MBD5: variants seen among roughly 807,000 people sequenced by gnomAD.
MBD5 encodes methyl-CpG binding domain protein 5, also known as methyl-CpG-binding domain protein 5.
A neutral mutation model predicts 117.3 loss-of-function variants in MBD5; 13 were observed. That is an observed-to-expected ratio of 0.11 (90% CI 0.07 to 0.18). The LOEUF (loss-of-function observed/expected upper bound fraction) is 0.18. Among genes scored for constraint, MBD5 ranks in the 10% least tolerant of loss-of-function variants. The pLI, the probability that MBD5 is intolerant of heterozygous loss-of-function variation, is 1.00. For synonymous variants in MBD5, 727 were observed against 766.4 expected (o/e 0.95, Z 0.85); for missense variants, 1,879 against 2,093.8 (o/e 0.90, Z 2.00).
intron 3 of MBD5, chr2:148,264,640 C>A (rs1002244670): frequency 6.6e-6 from 1 of 152,152 alleles, no homozygotes. Flanking sequence ...ATAGAGCCTG[C>A]AGAATCTATA....
At chr2:148,269,903 AC>A (rs1464883240) in intron 3 of MBD5, among the ~76,000 whole-genome samples, 3 of 151,810 alleles carry the variant, frequency 2.0e-5, no homozygotes, top group Admixed American at 6.6e-5. Context: ...CTAATATTCT[AC>A]TTACTGAAGA....
intron 4 of MBD5, among the ~76,000 whole-genome samples, chr2:148,380,669 C>T (rs1704111239): frequency 6.6e-6 from 1 of 152,160 alleles, no homozygotes; most frequent in Non-Finnish European, 1.5e-5. Context: ...GGGCAGACTG[C>T]CTCCTCAAGT....
chr2:148,294,216 T>G (rs58674952), intron 3 of MBD5, among the ~76,000 whole-genome samples: 3,260 of 19,216 alleles, frequency 0.17, 142 homozygotes, highest in South Asian at 0.26. Flanking sequence ...TTTTTTTTTT[T>G]TTTTTTTTTT....
intron 3 of MBD5, among the ~76,000 whole-genome samples, chr2:148,307,393 T>C (rs1701918968): frequency 6.1e-5 from 1 of 16,376 alleles, no homozygotes; most frequent in African/African-American, 6.9e-5. Flanking sequence ...CAAAATTTCT[T>C]TTTCACAAAC....
At chr2:148,180,826 C>G (rs184504708) in intron 2 of MBD5, among the ~76,000 whole-genome samples, 20 of 152,264 alleles carry the variant, frequency 1.3e-4, no homozygotes, top group Non-Finnish European at 2.2e-4. Context: ...TTTCCAGTCT[C>G]ATTCTCCTGC....
In MBD5 at chr2:148,490,316, C is replaced by G; in HGVS notation, c.4684C>G (p.Leu1562Val). The G allele has an allele frequency of 6.2e-7, 1 of 1,614,176 alleles. No individual in the cohort carries two copies. Among genetic ancestry groups the G allele is most frequent in the Non-Finnish European group, 8.5e-7 (1 of 1,180,040 alleles). The change falls in exon 11 of 14, where the codon CTG (leucine) becomes GTG (valine). Residue 1562 changes from leucine (L) to valine (V), a missense_variant. By Grantham distance (32) the Leu-to-Val change is conservative. Transcript: ENST00000642680. ...TTCCTCAAATAGTTTGGAAAATTCT[C>G]TGGTCAAAGACTACATCCATTACAA... ...PSSSNSLENS[L>V]VKDYIHYNGD... is the part of the protein sequence containing the mutation.
chr2:148,311,033 T>C (rs1339032802), intron 3 of MBD5, among the ~76,000 whole-genome samples: 2 of 152,230 alleles, frequency 1.3e-5, no homozygotes, highest in Non-Finnish European at 2.9e-5. Context: ...ATTTCTGTTC[T>C]TTTGCATTTG....
intron 3 of MBD5, among the ~76,000 whole-genome samples, chr2:148,312,260 G>A (rs756188771): frequency 3.3e-5 from 5 of 152,116 alleles, no homozygotes; most frequent in Admixed American, 6.6e-5. Flanking sequence ...ACTTGGTTGC[G>A]TTCTTCCCAT....
chr2:148,463,011 A>G (rs1051916972), intron 6 of MBD5, among the ~76,000 whole-genome samples: 1 of 152,164 alleles, frequency 6.6e-6, no homozygotes, highest in Non-Finnish European at 1.5e-5. Flanking sequence ...AACTGCTCAA[A>G]TCTGCAATGT....
At chr2:148,174,662 A>C (rs1477328989) in intron 1 of MBD5, among the ~76,000 whole-genome samples, 1 of 152,118 alleles carries the variant, frequency 6.6e-6, no homozygotes, top group African/African-American at 2.4e-5. Context: ...ATTTCTCAAA[A>C]AAAGGCATCC....
At chr2:148,218,437 G>A (rs796189642) in intron 2 of MBD5, among the ~76,000 whole-genome samples, 25 of 152,238 alleles carry the variant, frequency 1.6e-4, no homozygotes, top group African/African-American at 4.3e-4. Context: ...TTACATAGCC[G>A]AGCCCAAAGT....
chr2:148,094,226 T>G (rs1188917619), intron 1 of MBD5, among the ~76,000 whole-genome samples: 1 of 152,210 alleles, frequency 6.6e-6, no homozygotes, highest in African/African-American at 2.4e-5. Flanking sequence ...TCCAACAGAT[T>G]AATTGTAGTG....
intron 1 of MBD5, among the ~76,000 whole-genome samples, chr2:148,118,483 C>T (rs12691776): frequency 0.32 from 48,655 of 151,246 alleles, 8,605 homozygotes; most frequent in East Asian, 0.46. Context: ...GTGGTGTACA[C>T]CTCTACTCCC....
At chr2:148,060,645 G>A in intron 1 of MBD5, among the ~76,000 whole-genome samples, 1 of 152,078 alleles carries the variant, frequency 6.6e-6, no homozygotes, top group East Asian at 1.9e-4. Flanking sequence ...TTAAACAGAA[G>A]ACTTCACAGG....
At chr2:148,165,264 T>C (rs1005737347) in intron 1 of MBD5, among the ~76,000 whole-genome samples, 1 of 152,162 alleles carries the variant, frequency 6.6e-6, no homozygotes, top group African/African-American at 2.4e-5. Context: ...ACAGTGAATA[T>C]ATTTTTCTTC....
intron 12 of MBD5, among the ~76,000 whole-genome samples, chr2:148,503,236 A>G (rs746482135): frequency 6.6e-6 from 1 of 152,234 alleles, no homozygotes; most frequent in Non-Finnish European, 1.5e-5. Context: ...TTCAGTTGCC[A>G]TACTAATTTC....
At chr2:148,233,437 A>G (rs1700032980) in intron 3 of MBD5, 42 bp downstream of exon 3, 1 of 152,228 alleles carries the variant, frequency 6.6e-6, no homozygotes, top group African/African-American at 2.4e-5. Flanking sequence ...TCTGTTATTA[A>G]TCATGTAGAC....
At chr2:148,482,446 T>C (rs1400618992) in intron 8 of MBD5, among the ~76,000 whole-genome samples, 1 of 151,990 alleles carries the variant, frequency 6.6e-6, no homozygotes, top group Non-Finnish European at 1.5e-5. Context: ...CAAAATAACA[T>C]TATAGCATGA....
chr2:148,305,712 G>C (rs865917899), intron 3 of MBD5, among the ~76,000 whole-genome samples: 1 of 152,192 alleles, frequency 6.6e-6, no homozygotes, highest in African/African-American at 2.4e-5. Flanking sequence ...GCAGAGCTTT[G>C]GGAAAATGGC....
Sources: allele counts gnomAD v4.1 joint callset (sites outside exome capture counted in the v4.1 genomes callset), GRCh38; gene constraint gnomAD v4.1.1; transcripts MANE v1.5; gene names NCBI Gene and HGNC (gene_info 2026-07-23, HGNC 2026-07-21).